TLL2: variants seen among roughly 807,000 people sequenced by gnomAD.
The protein encoded by TLL2 is tolloid like 2.
A neutral mutation model predicts 123.0 loss-of-function variants in TLL2; 106 were observed. The observed-to-expected ratio is 0.86, with a 90% CI of 0.74 to 1.01. TLL2 has a LOEUF of 1.01. TLL2 is among the 50% of genes least tolerant of loss of function. The pLI, the probability that TLL2 is intolerant of heterozygous loss-of-function variation, is 0.00. For missense variants in TLL2, 1,332 were observed against 1,336.7 expected, an observed-to-expected ratio of 1.00 and a Z score of 0.06; for synonymous variants, 494 against 516.8, an observed-to-expected ratio of 0.96 and a Z score of 0.60.
intron 3 of TLL2, among the ~76,000 whole-genome samples, chr10:96,435,119 C>A (rs931171001): frequency 6.6e-6 from 1 of 150,952 alleles, no homozygotes. Context: ...GCAACCTCTG[C>A]CTCCCGGGTT....
chr10:96,486,362 T>C (rs1237547152), intron 1 of TLL2, among the ~76,000 whole-genome samples: 4 of 152,200 alleles, frequency 2.6e-5, no homozygotes, highest in African/African-American at 9.6e-5. Context: ...ATTCTAGTTA[T>C]ACTTAAGAGA....
At chr10:96,372,205 C>T (rs1846090768) in intron 19 of TLL2, among the ~76,000 whole-genome samples, 1 of 152,164 alleles carries the variant, frequency 6.6e-6, no homozygotes, top group South Asian at 2.1e-4. Context: ...TTCCACAAAC[C>T]ATGCAGCGTT....
intron 2 of TLL2, among the ~76,000 whole-genome samples, chr10:96,465,077 A>G (rs564781614): frequency 6.6e-6 from 1 of 152,338 alleles, no homozygotes; most frequent in Admixed American, 6.5e-5. Flanking sequence ...AAAGGAAGAG[A>G]CCAACTCCAG....
chr10:96,508,933 C>CTT (rs1202450790), intron 1 of TLL2, among the ~76,000 whole-genome samples: 1 of 152,048 alleles, frequency 6.6e-6, no homozygotes, highest in African/African-American at 2.4e-5. Flanking sequence ...TCTGGGAGGG[C>CTT]TTGTGGCCGT....
intron 4 of TLL2, among the ~76,000 whole-genome samples, chr10:96,430,915 A>G (rs1213675451): frequency 6.6e-6 from 1 of 152,146 alleles, no homozygotes; most frequent in Non-Finnish European, 1.5e-5. Flanking sequence ...GAAACAAACA[A>G]CAACAACAAA....
chr10:96,465,509 G>A, intron 2 of TLL2, among the ~76,000 whole-genome samples: 1 of 152,180 alleles, frequency 6.6e-6, no homozygotes, highest in South Asian at 2.1e-4. Context: ...TACAACAGGT[G>A]ATAGAGACTG....
chr10:96,401,732 C>T (rs1176899825), intron 10 of TLL2, among the ~76,000 whole-genome samples: 1 of 152,166 alleles, frequency 6.6e-6, no homozygotes, highest in Non-Finnish European at 1.5e-5. Context: ...AATCTCTCTG[C>T]CTGTGCCCAT....
chr10:96,484,081 T>C lies in TLL2; in HGVS notation c.176-3622A>G, dbSNP rs145853279. ...CTGGTCTGTAACTCCTGACCTCAAGTCATCCTCCTGCCTCGGCCTCCCAAA... is the reference window on the plus strand; with the variant it reads ...CTGGTCTGTAACTCCTGACCTCAAGCCATCCTCCTGCCTCGGCCTCCCAAA... On this transcript the variant is annotated intron_variant, in intron 1 of 20. Coordinates refer to ENST00000357947, the MANE Select transcript of TLL2 (RefSeq NM_012465.4). 8.1e-3 allele frequency among the ~76,000 whole-genome samples: 1,227 copies of C among 152,272 alleles called. 14 individuals carry two copies. The highest frequency in any genetic ancestry group is 0.013 in the Non-Finnish European group (870 of 68,008).
intron 1 of TLL2, among the ~76,000 whole-genome samples, chr10:96,492,854 C>T (rs1847428830): frequency 6.6e-6 from 1 of 152,186 alleles, no homozygotes; most frequent in Non-Finnish European, 1.5e-5. Flanking sequence ...CTAAGGAACA[C>T]ATTTTGGAGA....
intron 10 of TLL2, among the ~76,000 whole-genome samples, chr10:96,400,357 C>CAAAAAAAAAAAAAAAAAAAAAA (rs55975748): frequency 9.1e-6 from 1 of 109,894 alleles, no homozygotes; most frequent in Non-Finnish European, 1.8e-5. Flanking sequence ...CTACTACCAT[C>CAAAAAAAAAAAAAAAAAAAAAA]AAAAAAAAAA....
At chr10:96,393,286 A>G (rs1424831271) in intron 13 of TLL2, among the ~76,000 whole-genome samples, 1 of 152,264 alleles carries the variant, frequency 6.6e-6, no homozygotes, top group African/African-American at 2.4e-5. Flanking sequence ...CCAGTCCATC[A>G]CAATAGCCAG....
chr10:96,370,017 C>G (rs1453627150), intron 20 of TLL2, 48 bp downstream of exon 20: 2 of 1,506,238 alleles, frequency 1.3e-6, no homozygotes, highest in South Asian at 1.3e-5. Context: ...ACAACTCCTG[C>G]TGTGAATCAT....
intron 1 of TLL2, among the ~76,000 whole-genome samples, chr10:96,484,552 C>A (rs1847339797): frequency 6.7e-6 from 1 of 150,062 alleles, no homozygotes; most frequent in African/African-American, 2.5e-5. Flanking sequence ...ATTCTGGAAA[C>A]CTGTTGAGAA....
In TLL2 at chr10:96,446,651, C is replaced by T. The variant is rs998552869; in HGVS notation, c.287-483G>A. Among the ~76,000 whole-genome samples the T allele has an allele frequency of 1.9e-4, 29 of 152,274 alleles. No individual in the cohort carries two copies. The Middle Eastern group carries it at 0.01, about 54-fold the overall frequency. On this transcript the variant is annotated intron_variant, in intron 2 of 20. Coordinates refer to ENST00000357947, the MANE Select transcript of TLL2 (RefSeq NM_012465.4). ...TTACCCTGTGCACTCTCTTAGTATT[C>T]GGGTTTCCTCTGTGGGGTAAGCCTC...
At chr10:96,448,876 T>G (rs2134088629) in intron 2 of TLL2, among the ~76,000 whole-genome samples, 1 of 152,234 alleles carries the variant, frequency 6.6e-6, no homozygotes, top group East Asian at 1.9e-4. Flanking sequence ...TATGGGGCCT[T>G]GCAGGCCATT....
chr10:96,399,547 G>A (rs1483124806), intron 10 of TLL2, among the ~76,000 whole-genome samples: 1 of 152,188 alleles, frequency 6.6e-6, no homozygotes, highest in Non-Finnish European at 1.5e-5. Flanking sequence ...TAAGTGAGAT[G>A]AGATGAAACT....
chr10:96,383,113 C>G (rs1215490721), intron 16 of TLL2, among the ~76,000 whole-genome samples: 1 of 152,258 alleles, frequency 6.6e-6, no homozygotes, highest in South Asian at 2.1e-4. Context: ...CACAGGGCAC[C>G]TGCAGAGGGA....
chr10:96,410,262 G>T, intron 9 of TLL2, 97 bp downstream of exon 9: 1 of 864,854 alleles, frequency 1.2e-6, no homozygotes, highest in South Asian at 1.7e-5. Context: ...GCTTATAACC[G>T]AACAGCTGTT....
chr10:96,494,994 T>C (rs775669065), intron 1 of TLL2, among the ~76,000 whole-genome samples: 29 of 152,218 alleles, frequency 1.9e-4, no homozygotes, highest in Non-Finnish European at 2.6e-4. Context: ...ATGGAGTCCA[T>C]GGTCACTGAC....
Sources: allele counts gnomAD v4.1 joint callset (sites outside exome capture counted in the v4.1 genomes callset), GRCh38; gene constraint gnomAD v4.1.1; transcripts MANE v1.5; gene names NCBI Gene and HGNC (gene_info 2026-07-23, HGNC 2026-07-21).